The following PPP2R2C variants were observed in gnomAD, a reference collection of about 807,000 sequenced individuals.
PPP2R2C encodes protein phosphatase 2 regulatory subunit Bgamma.
In PPP2R2C, 10 loss-of-function variants were observed where a neutral mutation model predicts 45.3. That is an observed-to-expected ratio of 0.22 (90% CI 0.14 to 0.37). The LOEUF (loss-of-function observed/expected upper bound fraction) is 0.37, where lower values mean the gene tolerates loss of function less well. Ranked by LOEUF, PPP2R2C falls within the 10% of genes least tolerant of loss-of-function variation. PPP2R2C has a pLI of 1.00. For missense variants in PPP2R2C, 308 were observed against 619.7 expected (o/e 0.50, Z 5.34); for synonymous variants, 257 against 245.4 (o/e 1.05, Z -0.44).
chr4:6,415,832 T>C (rs546343092), intron 1 of PPP2R2C, among the ~76,000 whole-genome samples: 36 of 152,282 alleles, frequency 2.4e-4, no homozygotes, highest in Non-Finnish European at 3.1e-4. Context: ...ACATACCTCC[T>C]ACGATGGGGA....
intron 2 of PPP2R2C, among the ~76,000 whole-genome samples, chr4:6,489,632 G>C (rs1722633739): frequency 6.6e-6 from 1 of 152,026 alleles, no homozygotes; most frequent in South Asian, 2.1e-4. Context: ...ATTTTATTTG[G>C]TTATCTCAGT....
intron 6 of PPP2R2C, among the ~76,000 whole-genome samples, chr4:6,335,072 T>C (rs1019558214): frequency 3.3e-5 from 5 of 152,342 alleles, no homozygotes; most frequent in African/African-American, 1.2e-4. Context: ...GATGGACTCA[T>C]TCATTCATTC....
intron 1 of PPP2R2C, among the ~76,000 whole-genome samples, chr4:6,545,570 G>A (rs1215164371): frequency 2.0e-5 from 3 of 152,338 alleles, no homozygotes; most frequent in African/African-American, 4.8e-5. Flanking sequence ...GACAAGGTCA[G>A]GGGGCCTGGT....
chr4:6,510,700 G>A (rs73207901), intron 2 of PPP2R2C, among the ~76,000 whole-genome samples: 34,914 of 152,046 alleles, frequency 0.23, 5,108 homozygotes, highest in Admixed American at 0.39. Context: ...TGTTGAGGCC[G>A]GGCACGGTGT....
chr4:6,409,430 C>G (rs776502377), intron 1 of PPP2R2C, among the ~76,000 whole-genome samples: 2 of 152,190 alleles, frequency 1.3e-5, no homozygotes, highest in African/African-American at 2.4e-5. Context: ...TGCCAGGCAC[C>G]AGGCCCACCA....
At chr4:6,429,357 T>C (rs11942139) in intron 1 of PPP2R2C, among the ~76,000 whole-genome samples, 3,566 of 152,324 alleles carry the variant, frequency 0.023, 151 homozygotes, top group African/African-American at 0.082. Context: ...CAATAATCAA[T>C]TAACAGTGAC....
chr4:6,397,643 G>C (rs1374956480), intron 1 of PPP2R2C, among the ~76,000 whole-genome samples: 1 of 152,196 alleles, frequency 6.6e-6, no homozygotes, highest in African/African-American at 2.4e-5. Context: ...TAGAGGCTAA[G>C]GGCAAGTGCA....
Position 6,554,960 on chromosome 4 carries a change from AAAG to A in PPP2R2C, c.-59+8597_-59+8599del, listed in dbSNP as rs1560620442. On this transcript the variant is annotated intron_variant, in intron 1 of 9. Transcript: ENST00000506140. Reference sequence around the variant, plus strand: ...GAAAGAAAGAAAGAAAGAAAGAAAGAAAGAAAGAGAAAGAAAGAAAAGAGAAGA... The same window carrying A: ...GAAAGAAAGAAAGAAAGAAAGAAAGAAAAGAGAAAGAAAGAAAAGAGAAGA... 1.8e-3 allele frequency among the ~76,000 whole-genome samples: 254 copies of A among 141,184 alleles called. 1 individual carries two copies. The highest frequency in any genetic ancestry group is 5.4e-3 in the African/African-American group (213 of 39,336). The allele number at this position is 141,184 out of a possible 152,430, so 92.6% of individuals were successfully genotyped here.
In PPP2R2C at chr4:6,378,516, G is replaced by A; in HGVS notation, c.225C>T (p.Ser75=). ...GEYDVYSTFQ[S]HEPEFDYLKS... is the part of the protein sequence containing the mutation. Reference sequence around the variant, plus strand: ...TGAGATAGTCAAACTCCGGCTCGTGGCTCTGGAAAGTGCTGTACACGTCGT... The same window carrying A: ...TGAGATAGTCAAACTCCGGCTCGTGACTCTGGAAAGTGCTGTACACGTCGT... The change falls in exon 3 of 9, where the codon AGC becomes AGT. Residue 75 remains serine (S), a synonymous_variant. Transcript: ENST00000382599. This position sits in a 1 kb window ranked among gnomAD's most constrained non-coding sequence, Gnocchi z 5.2. 1 of 1,614,138 alleles carries A rather than the reference G, an allele frequency of 6.2e-7. No homozygotes were observed.
intron 2 of PPP2R2C, among the ~76,000 whole-genome samples, chr4:6,527,306 C>T (rs2108818932): frequency 6.6e-6 from 1 of 152,358 alleles, no homozygotes; most frequent in South Asian, 2.1e-4. Context: ...GACAAGCTGC[C>T]TCCAGTCCTT....
At chr4:6,396,809 G>A (rs572136078) in intron 1 of PPP2R2C, among the ~76,000 whole-genome samples, 3 of 152,214 alleles carry the variant, frequency 2.0e-5, no homozygotes, top group Non-Finnish European at 2.9e-5. Flanking sequence ...CCTGATTTGC[G>A]GCATTTGCCA....
intron 1 of PPP2R2C, among the ~76,000 whole-genome samples, chr4:6,401,974 G>A (rs1445082983): frequency 3.3e-5 from 5 of 152,150 alleles, no homozygotes; most frequent in East Asian, 3.9e-4. Context: ...TGTCACTCAC[G>A]CACTGTGTGA....
At position 6,563,159 on chromosome 4, in the gene PPP2R2C, G is replaced by A. The variant is rs533348173; in HGVS notation, c.-59+401C>T. ...CCGCACCTTCAGCCGGGCAGCGAGG[G>A]GGGGCTCGAGCGCGCCGGTTCTCGG... On this transcript the variant is annotated intron_variant, in intron 1 of 9. Coordinates refer to the PPP2R2C transcript ENST00000506140. This position sits in a 1 kb window ranked among gnomAD's most constrained non-coding sequence, Gnocchi z 5.8. Among the ~76,000 whole-genome samples the A allele has an allele frequency of 1.7e-4, 26 of 152,298 alleles. No homozygotes were observed. In the South Asian group the frequency reaches 2.5e-3, roughly 15 times the overall value.
Position 6,378,676 on chromosome 4 carries a change from C to A in PPP2R2C, c.169-104G>T. 8.1e-7 allele frequency: 1 copy of A among 1,229,738 alleles called. No individual in the cohort carries two copies. 76.2% of individuals were successfully genotyped at this position (1,229,738 alleles called of 1,614,324 possible). A position where few individuals can be genotyped will look rare whatever the true frequency, so the allele number is the denominator to read the frequency against. The stretch of plus-strand genomic sequence containing the variant: ...GCCGGCCGTGGGACCAAGTGCCGAG[C>A]CGTGCCAGGGATCCAATTCGAGGGT... On this transcript the variant is annotated intron_variant, in intron 2 of 8. Coordinates refer to ENST00000382599, the MANE Select transcript of PPP2R2C (RefSeq NM_020416.4). The surrounding 1 kb of genome is among the most constrained non-coding windows in gnomAD (Gnocchi z 5.2).
chr4:6,561,779 C>T (rs1725585743), intron 1 of PPP2R2C, among the ~76,000 whole-genome samples: 2 of 152,188 alleles, frequency 1.3e-5, no homozygotes, highest in Admixed American at 6.5e-5. Context: ...AAAGATCTTC[C>T]GTGACCCATT....
At chr4:6,521,714 C>G (rs1374912607) in intron 2 of PPP2R2C, among the ~76,000 whole-genome samples, 1 of 152,208 alleles carries the variant, frequency 6.6e-6, no homozygotes, top group African/African-American at 2.4e-5. Context: ...GCCACCGGTC[C>G]CCTTTCCAGG....
At chr4:6,459,270 C>T (rs1003352910) in intron 1 of PPP2R2C, among the ~76,000 whole-genome samples, 6 of 152,132 alleles carry the variant, frequency 3.9e-5, no homozygotes, top group Non-Finnish European at 7.4e-5. Context: ...CAACCAGGAC[C>T]TTGGTTCCTC....
chr4:6,492,114 G>A (rs1722716802), intron 2 of PPP2R2C, among the ~76,000 whole-genome samples: 1 of 152,168 alleles, frequency 6.6e-6, no homozygotes, highest in East Asian at 1.9e-4. Flanking sequence ...CAAAAAAGGG[G>A]ACACAATTCC....
intron 1 of PPP2R2C, among the ~76,000 whole-genome samples, chr4:6,396,058 T>A (rs1211485006): frequency 6.6e-6 from 1 of 152,162 alleles, no homozygotes; most frequent in Non-Finnish European, 1.5e-5. Flanking sequence ...ACAGGAGCAT[T>A]ACACACAGTG....
Sources: allele counts gnomAD v4.1 joint callset (sites outside exome capture counted in the v4.1 genomes callset), GRCh38; gene constraint gnomAD v4.1.1; non-coding constraint Gnocchi (gnomAD v3.1); transcripts MANE v1.5; gene names NCBI Gene and HGNC (gene_info 2026-07-23, HGNC 2026-07-21).